The following YBX1 variants were observed in gnomAD, a reference collection of about 807,000 sequenced individuals.
YBX1 encodes the protein Y-box-binding protein 1.
YBX1 carries 3 observed loss-of-function variants against 41.4 expected under a neutral mutation model. The observed-to-expected ratio is 0.07, with a 90% CI of 0.03 to 0.19. YBX1 has a LOEUF of 0.19. Among genes scored for constraint, YBX1 ranks in the 10% least tolerant of loss-of-function variants. The pLI, the probability that YBX1 is intolerant of heterozygous loss-of-function variation, is 1.00. For missense variants in YBX1, 274 were observed against 462.8 expected (o/e 0.59, Z 3.74); for synonymous variants, 133 against 165.8 (o/e 0.80, Z 1.52).
intron 2 of YBX1, among the ~76,000 whole-genome samples, chr1:42,692,906 AAAC>A (rs1650374215): frequency 6.6e-6 from 1 of 152,260 alleles, no homozygotes; most frequent in Non-Finnish European, 1.5e-5. Context: ...TCCGTGGTCT[AAAC>A]CTTCATCAGT....
At position 42,700,958 on chromosome 1, in the gene YBX1, C is replaced by T. The variant is rs767961624; in HGVS notation, c.918C>T (p.Ala306=). ...AAGATGGCAAAGAGACAAAAGCAGC[C>T]GATCCACCAGCTGAGAATTCGTCCG... ...KPQDGKETKA[A]DPPAENSSAP... Residue 306 remains alanine (A), a synonymous_variant, in exon 7 of 8, where the codon GCC becomes GCT. Coordinates refer to ENST00000321358, the MANE Select transcript of YBX1 (RefSeq NM_004559.5). 3.7e-6 allele frequency: 6 copies of T among 1,613,972 alleles called. No homozygotes were observed. The highest frequency in any genetic ancestry group is 1.1e-5 in the South Asian group (1 of 91,076).
Position 42,696,517 on chromosome 1 carries a change from C to T in YBX1, c.355-125C>T. 1.4e-6 allele frequency: 1 copy of T among 705,640 alleles called. No homozygotes were observed. The highest frequency in any genetic ancestry group is 2.3e-6 in the Non-Finnish European group (1 of 443,210). The allele number at this position is 705,640 out of a possible 1,614,324, so 43.7% of individuals were successfully genotyped here. On this transcript the variant is annotated intron_variant, in intron 4 of 7. Coordinates refer to ENST00000321358, the MANE Select transcript of YBX1 (RefSeq NM_004559.5). This position sits in a 1 kb window ranked among gnomAD's most constrained non-coding sequence, Gnocchi z 5.7. ...CCCCTGGTCACGCAGTTGCGCCCCC[C>T]CCCCCTTTTTTTTCCTTAACTTTGT...
rs1474104307 is a variant in YBX1 at position 42,683,410 on chromosome 1, G to A, written c.174G>A (p.Lys58=). The change falls in exon 2 of 8, where the codon AAG becomes AAA. Residue 58 remains lysine, a synonymous_variant. Transcript: ENST00000321358. The stretch of plus-strand genomic sequence containing the variant: ...CTTTGTTTTCTTTTCCAGCAACGAA[G>A]GTTTTGGGAACAGTAAAATGGTTCA... ...AGGDKKVIAT[K]VLGTVKWFNV... is the part of the protein sequence containing the mutation. 6.2e-7 allele frequency: 1 copy of A among 1,614,210 alleles called. No individual in the cohort carries two copies. The highest frequency in any genetic ancestry group is 1.3e-5 in the African/African-American group (1 of 75,058).
In YBX1 at chr1:42,696,824, A is replaced by C. The variant is rs141518389; in HGVS notation, c.537A>C (p.Glu179Asp). 3.2e-5 allele frequency: 52 copies of C among 1,613,328 alleles called. No homozygotes were observed. The African/African-American group carries it at 6.0e-4, about 19-fold the overall frequency. Reference protein sequence around the residue: ...EKNEGSESAPEGQAQQRRPYR... With the variant: ...EKNEGSESAPDGQAQQRRPYR... ...ACGAGGGATCGGAGAGTGCTCCCGA[A>C]GGCCAGGCCCAACAACGCCGGCCCT... Residue 179 changes from glutamate (E) to aspartate (D), a missense_variant, in exon 5 of 8, where the codon GAA becomes GAC. Coordinates refer to ENST00000321358, the MANE Select transcript of YBX1 (RefSeq NM_004559.5). The surrounding 1 kb of genome is among the most constrained non-coding windows in gnomAD (Gnocchi z 5.7).
chr1:42,689,405 G>A (rs1570417592), intron 2 of YBX1, among the ~76,000 whole-genome samples: 3 of 152,160 alleles, frequency 2.0e-5, no homozygotes, highest in Admixed American at 6.6e-5. Context: ...ATGCAGTTAC[G>A]TGAATTAAGG....
intron 2 of YBX1, among the ~76,000 whole-genome samples, chr1:42,691,775 T>A (rs1650340251): frequency 6.6e-6 from 1 of 152,232 alleles, no homozygotes; most frequent in African/African-American, 2.4e-5. Flanking sequence ...TTACTTTCTA[T>A]ACCAAATCTT....
intron 3 of YBX1, 86 bp downstream of exon 3, chr1:42,693,609 TA>T (rs2148739195): frequency 2.1e-6 from 3 of 1,458,512 alleles, no homozygotes; most frequent in Non-Finnish European, 1.9e-6. Context: ...TTGTTCCTTA[TA>T]AAAGGTTAAG....
chr1:42,701,092 T>C, intron 7 of YBX1, 46 bp downstream of exon 7: 1 of 1,441,828 alleles, frequency 6.9e-7, no homozygotes, highest in Non-Finnish European at 9.6e-7. Context: ...TCGTGAGTGG[T>C]GACCATTTCG....
rs144325277 is a variant in YBX1 at position 42,698,660 on chromosome 1, G to A, written c.740+1398G>A. 3.5e-3 allele frequency among the ~76,000 whole-genome samples: 533 copies of A among 152,196 alleles called. 3 individuals carry two copies. The highest frequency in any genetic ancestry group is 0.012 in the African/African-American group (509 of 41,508). The stretch of plus-strand genomic sequence containing the variant: ...TGAGTAAATTGTTTGTCTTTATATT[G>A]ACAAACAAGCTTGCGGTTGATTTGT... On this transcript the variant is annotated intron_variant, in intron 6 of 7. Transcript: ENST00000321358.
intron 2 of YBX1, among the ~76,000 whole-genome samples, chr1:42,688,661 C>A (rs1184616705): frequency 1.3e-5 from 2 of 152,160 alleles, no homozygotes; most frequent in African/African-American, 2.4e-5. Context: ...TGGTTTAGTG[C>A]AATACTGTAA....
intron 2 of YBX1, among the ~76,000 whole-genome samples, 179 bp downstream of exon 2, chr1:42,683,645 C>T (rs1384549921): frequency 6.6e-6 from 1 of 152,202 alleles, no homozygotes; most frequent in African/African-American, 2.4e-5. Flanking sequence ...ATTAGTGGAT[C>T]TAGAGAATGC....
intron 2 of YBX1, among the ~76,000 whole-genome samples, chr1:42,691,213 G>A (rs571048671): frequency 6.6e-6 from 1 of 152,166 alleles, no homozygotes; most frequent in South Asian, 2.1e-4. Flanking sequence ...TGAGGCCCTG[G>A]CTAAGTATTC....
intron 6 of YBX1, 23 bp from the exon 7 acceptor site, chr1:42,700,758 A>G (rs768317587): frequency 1.9e-6 from 3 of 1,590,424 alleles, no homozygotes; most frequent in Non-Finnish European, 2.6e-6. Flanking sequence ...TATCATTCTT[A>G]AGTTTGACAC....
chr1:42,687,292 G>C (rs982297687), intron 2 of YBX1, among the ~76,000 whole-genome samples: 1 of 151,898 alleles, frequency 6.6e-6, no homozygotes, highest in African/African-American at 2.4e-5. Context: ...TTTAAAGGGT[G>C]ATTTTTCTTG....
chr1:42,682,745 A>G lies in YBX1; in HGVS notation c.166+14A>G. On this transcript the variant is annotated intron_variant, in intron 1 of 7. Coordinates refer to ENST00000321358, the MANE Select transcript of YBX1 (RefSeq NM_004559.5). ...AGAAGGTCATCGGTGAGGACCGGAC[A>G]GGGACGGGGGTGGGGCCCTCGGGCA... 8.3e-7 allele frequency: 1 copy of G among 1,207,098 alleles called. No individual in the cohort carries two copies. The highest frequency in any genetic ancestry group is 1.0e-6 in the Non-Finnish European group (1 of 973,266). The allele number at this position is 1,207,098 out of a possible 1,614,324, so 74.8% of individuals were successfully genotyped here.
At chr1:42,686,121 C>T (rs536341961) in intron 2 of YBX1, among the ~76,000 whole-genome samples, 2 of 152,310 alleles carry the variant, frequency 1.3e-5, no homozygotes, top group East Asian at 3.9e-4. Flanking sequence ...GATCCATATT[C>T]ACCAAAGATT....
At chr1:42,683,655 C>T (rs967860197) in intron 2 of YBX1, among the ~76,000 whole-genome samples, 189 bp downstream of exon 2, 11 of 152,310 alleles carry the variant, frequency 7.2e-5, no homozygotes, top group African/African-American at 2.4e-4. Flanking sequence ...CTAGAGAATG[C>T]CTTTGTTTTG....
chr1:42,693,651 G>A (rs1650393984), intron 3 of YBX1, 128 bp downstream of exon 3: 1 of 866,708 alleles, frequency 1.2e-6, no homozygotes, highest in African/African-American at 1.7e-5. Flanking sequence ...CTTACGACAG[G>A]AGTAGTAGCA....
chr1:42,686,415 C>G lies in YBX1; in HGVS notation c.230+2949C>G, dbSNP rs185553677. Among the ~76,000 whole-genome samples, 151 of 152,296 alleles carry G rather than the reference C, an allele frequency of 9.9e-4. 1 individual carries two copies. Among genetic ancestry groups the G allele is most frequent in the Non-Finnish European group, 1.6e-3 (107 of 68,020 alleles). The stretch of plus-strand genomic sequence containing the variant: ...TTTTTAAGATCTGAACTTTAGCTGG[C>G]TTTGGGGGCCTGTATTTCCACATAA... On this transcript the variant is annotated intron_variant, in intron 2 of 7. Coordinates refer to ENST00000321358, the MANE Select transcript of YBX1 (RefSeq NM_004559.5).
Sources: gnomAD v4.1 joint callset for allele counts (sites outside exome capture counted in the v4.1 genomes callset) on GRCh38, gnomAD v4.1.1 for gene constraint, Gnocchi (gnomAD v3.1) non-coding constraint, MANE v1.5 for transcripts, NCBI Gene and HGNC (gene_info 2026-07-23, HGNC 2026-07-21) for gene names.